The following FAAP20 variants were observed in gnomAD, a reference collection of about 807,000 sequenced individuals.
FAAP20 encodes Fanconi anemia core complex-associated protein 20.
A neutral mutation model predicts 16.2 loss-of-function variants in FAAP20; 12 were observed. The ratio of observed to expected loss-of-function variants is 0.74; its 90% CI spans 0.48 to 1.20. FAAP20 has a LOEUF of 1.20. Among genes scored for constraint, FAAP20 ranks in the 50% most tolerant of loss-of-function variants. The pLI, the probability that FAAP20 is intolerant of heterozygous loss-of-function variation, is 0.00. For missense variants in FAAP20, 288 were observed against 245.8 expected (o/e 1.17, Z -1.15); for synonymous variants, 141 against 110.7 (o/e 1.27, Z -1.72).
intron 1 of FAAP20, among the ~76,000 whole-genome samples, 177 bp downstream of exon 1, chr1:2,194,511 G>C (rs1379575790): frequency 1.4e-5 from 2 of 144,156 alleles, no homozygotes; most frequent in Admixed American, 6.8e-5. Context: ...GGCGTGGGGT[G>C]GGGGCTCAAG....
At chr1:2,200,557 C>G, upstream of FAAP20, 9 of 904,996 alleles carry the variant, frequency 9.9e-6, no homozygotes, top group Non-Finnish European at 1.1e-5. Context: ...GCTCCACCCT[C>G]CCAACCACTG....
downstream of FAAP20, among the ~76,000 whole-genome samples, chr1:2,209,357 T>C (rs1038061409): frequency 2.6e-5 from 4 of 152,234 alleles, no homozygotes; most frequent in African/African-American, 9.6e-5. Context: ...TTTAAGAACA[T>C]GGACCCCCAT....
chr1:2,193,048 A>C, intron 3 of FAAP20: 1 of 1,282,770 alleles, frequency 7.8e-7, no homozygotes, highest in Non-Finnish European at 1.0e-6. Flanking sequence ...CCGCCCATTA[A>C]CTCAACCAAA....
At chr1:2,185,106 G>A, downstream of FAAP20, 1 of 1,231,412 alleles carries the variant, frequency 8.1e-7, no homozygotes, top group Non-Finnish European at 1.2e-6. Flanking sequence ...GGCTCCGAGG[G>A]CGGCCAGGGA....
intron 3 of FAAP20, chr1:2,190,399 A>C: frequency 2.2e-6 from 1 of 449,332 alleles, no homozygotes; most frequent in Non-Finnish European, 4.5e-6. Context: ...GGGTGGCAGG[A>C]GAAAACCCAT....
upstream of FAAP20, chr1:2,198,211 A>G (rs1411328109): frequency 8.1e-7 from 1 of 1,237,996 alleles, no homozygotes; most frequent in African/African-American, 1.6e-5. Flanking sequence ...TTCTAAGCCA[A>G]AATTCATGTT....
downstream of FAAP20, chr1:2,185,941 A>G: frequency 9.0e-6 from 3 of 332,436 alleles, no homozygotes; most frequent in South Asian, 7.3e-5. Context: ...AAACACAGGC[A>G]CTCTTCCCAG....
chr1:2,196,116 C>G (rs538917255), upstream of FAAP20, among the ~76,000 whole-genome samples: 8 of 152,322 alleles, frequency 5.3e-5, no homozygotes, highest in Admixed American at 2.0e-4. The surrounding 1 kb of genome is among the most constrained non-coding windows in gnomAD (Gnocchi z 4.5). Context: ...GCCAGCTGAC[C>G]AAGCGCTCTC....
intron 3 of FAAP20, among the ~76,000 whole-genome samples, chr1:2,205,438 C>T (rs1012255288): frequency 6.0e-5 from 9 of 151,084 alleles, no homozygotes; most frequent in Non-Finnish European, 8.9e-5. Flanking sequence ...CACCTCGCCG[C>T]TTCAATTTCC....
chr1:2,187,132 C>A, downstream of FAAP20: 1 of 468,630 alleles, frequency 2.1e-6, no homozygotes, highest in Non-Finnish European at 4.4e-6. Context: ...GAGCCCGTGG[C>A]TGGCCGGCTC....
At position 2,191,934 on chromosome 1, in the gene FAAP20, A is replaced by G. The variant is rs1013874242; in HGVS notation, c.470+1705T>C. ...CAAGAAGATCTTAAAGACACAAAGA[A>G]CATTCTACATAGTTTGTCAAATCCA... On this transcript the variant is annotated intron_variant, in intron 3 of 3. Transcript: ENST00000378546. 3.0e-6 allele frequency: 3 copies of G among 985,344 alleles called. No homozygotes were observed. In the African/African-American group the frequency reaches 5.2e-5, roughly 17 times the overall value. The allele number at this position is 985,344 out of a possible 1,614,324, so 61.0% of individuals were successfully genotyped here.
rs986048088 is a variant in FAAP20, at chr1:2,191,487, C to G, written c.471-1706G>C. ...GACCGGCCGGGCGCGGTGGCTCACG[C>G]CTGTAATCCCAGCACTTTGGGAGGC... On this transcript the variant is annotated intron_variant, in intron 3 of 3. Transcript: ENST00000378546. 3 of 152,618 alleles carry G rather than the reference C, an allele frequency of 2.0e-5. No homozygotes were observed. The East Asian group carries it at 5.8e-4, about 29-fold the overall frequency. 9.5% of individuals were successfully genotyped at this position (152,618 alleles called of 1,614,324 possible).
downstream of FAAP20, among the ~76,000 whole-genome samples, chr1:2,211,833 C>T (rs539217043): frequency 2.0e-5 from 3 of 151,818 alleles, no homozygotes; most frequent in South Asian, 2.1e-4. Context: ...GATCCACCTG[C>T]CTCGGCCTCC....
At chr1:2,206,833 A>AAC (rs1296055808) in intron 1 of FAAP20, among the ~76,000 whole-genome samples, 3 of 149,976 alleles carry the variant, frequency 2.0e-5, no homozygotes, top group African/African-American at 7.3e-5. Context: ...ACTGTCTCAA[A>AAC]AAAAAAAAAA....
In FAAP20 at chr1:2,189,562, A is replaced by G. The variant is rs1225249485; in HGVS notation, c.*147T>C. On this transcript the variant is annotated 3_prime_UTR_variant, in exon 4 of 4. Transcript: ENST00000378546. ...AGCGGCAGACGTTTCATCACAACAC[A>G]GAGACAGACAGGAGCCCGCCCTGCT... 20 of 694,040 alleles carry G rather than the reference A, an allele frequency of 2.9e-5. No individual in the cohort carries two copies. The Middle Eastern group carries it at 1.1e-3, about 37-fold the overall frequency. The allele number at this position is 694,040 out of a possible 1,614,324, so 43.0% of individuals were successfully genotyped here. A position where few individuals can be genotyped will look rare whatever the true frequency, so the allele number is the denominator to read the frequency against.
chr1:2,190,855 A>ACCAGTCCACGGCGGG (rs1688142576), intron 3 of FAAP20: 5 of 205,906 alleles, frequency 2.4e-5, no homozygotes, highest in South Asian at 2.1e-4. Context: ...CTGCCCTCAG[A>ACCAGTCCACGGCGGG]CCAGTCCACG....
chr1:2,187,179 A>T (rs761475771), downstream of FAAP20: 3 of 471,540 alleles, frequency 6.4e-6, no homozygotes, highest in South Asian at 3.1e-5. Flanking sequence ...TGCCAGGGTC[A>T]TTCAAAGTCT....
At position 2,193,097 on chromosome 1, in the gene FAAP20, G is replaced by A. The variant is rs975778434; in HGVS notation, c.470+542C>T. On this transcript the variant is annotated intron_variant, in intron 3 of 3. Coordinates refer to ENST00000378546, the MANE Select transcript of FAAP20 (RefSeq NM_182533.4). ...CATCATTCACACCACCCCAGCCCCA[G>A]GACCTGCTCCGGAGGCCAAGGGCCC... The A allele has an allele frequency of 8.6e-6, 9 of 1,043,426 alleles. No individual in the cohort carries two copies. The African/African-American group carries it at 1.3e-4, about 15-fold the overall frequency. The allele number at this position is 1,043,426 out of a possible 1,614,324, so 64.6% of individuals were successfully genotyped here.
At chr1:2,193,366 G>A in intron 3 of FAAP20, 1 of 557,026 alleles carries the variant, frequency 1.8e-6, no homozygotes, top group Non-Finnish European at 3.1e-6. Flanking sequence ...GGATGGCCAG[G>A]TGGACCCGGG....
Sources: gnomAD v4.1 joint callset for allele counts (sites outside exome capture counted in the v4.1 genomes callset) on GRCh38, gnomAD v4.1.1 for gene constraint, Gnocchi (gnomAD v3.1) non-coding constraint, MANE v1.5 for transcripts, NCBI Gene and HGNC (gene_info 2026-07-23, HGNC 2026-07-21) for gene names.